The following ZNF695 variants were observed in gnomAD, a reference collection of about 807,000 sequenced individuals.
ZNF695 encodes the protein zinc finger protein 695, also known as zinc finger protein SBZF3.
Under a neutral mutation model 11.2 loss-of-function variants are expected in ZNF695, and 11 were observed. The observed-to-expected ratio is 0.98, with a 90% CI of 0.62 to 1.62. The LOEUF is 1.62. ZNF695 is among the 40% of genes most tolerant of loss of function. The pLI, the probability that ZNF695 is intolerant of heterozygous loss-of-function variation, is 0.00. For missense variants in ZNF695, 559 were observed against 590.5 expected, an observed-to-expected ratio of 0.95 and a Z score of 0.55; for synonymous variants, 190 against 201.4, an observed-to-expected ratio of 0.94 and a Z score of 0.48.
At chr1:246,999,763 G>A in intron 2 of ZNF695, 149 bp downstream of exon 2, 1 of 730,190 alleles carries the variant, frequency 1.4e-6, no homozygotes, top group South Asian at 1.9e-5. Flanking sequence ...GAATAGAAAG[G>A]TTGATGTCAA....
rs1389485188 is a variant in ZNF695, at chr1:246,995,993, C to T, written c.259+3355G>A. On this transcript the variant is annotated intron_variant, in intron 3 of 3. Coordinates refer to ENST00000339986, the MANE Select transcript of ZNF695 (RefSeq NM_020394.5). ...TTTATTGCAACATTATTCACAAAAG[C>T]TGATAGGGGAAAACAACCCAAACTT... is the stretch of plus-strand genomic sequence containing the variant. 8.9e-6 allele frequency: 4 copies of T among 451,696 alleles called. No homozygotes were observed. In the Admixed American group the frequency reaches 9.6e-5, roughly 11 times the overall value. The allele number at this position is 451,696 out of a possible 1,614,324, so 28.0% of individuals were successfully genotyped here.
At chr1:246,953,944 CAAAA>C (rs887310149) in intron 5 of ZNF695, among the ~76,000 whole-genome samples, 6 of 64,700 alleles carry the variant, frequency 9.3e-5, no homozygotes, top group Non-Finnish European at 1.7e-4. Flanking sequence ...AACAAACAAG[CAAAA>C]AAAAAAAAAA....
At chr1:246,961,920 G>A (rs1668172657) in intron 5 of ZNF695, among the ~76,000 whole-genome samples, 1 of 152,212 alleles carries the variant, frequency 6.6e-6, no homozygotes, top group South Asian at 2.1e-4. Flanking sequence ...GAACGCAGAG[G>A]CATAGAGAGG....
intron 5 of ZNF695, among the ~76,000 whole-genome samples, chr1:246,951,693 A>G (rs1667873174): frequency 6.6e-6 from 1 of 152,204 alleles, no homozygotes; most frequent in Non-Finnish European, 1.5e-5. Context: ...ACAACGATCC[A>G]AATTGTCAGG....
At position 246,987,562 on chromosome 1, in the gene ZNF695, T is replaced by C. The variant is rs377597899; in HGVS notation, c.953A>G (p.His318Arg). 7.3e-5 allele frequency: 116 copies of C among 1,598,184 alleles called. No homozygotes were observed. Among genetic ancestry groups the C allele is most frequent in the Non-Finnish European group, 9.7e-5 (114 of 1,173,804 alleles). Residue 318 changes from histidine to arginine, a missense_variant, in exon 4 of 4, where the codon CAT (histidine) becomes CGT (arginine). Physicochemically the swap from His to Arg is conservative, Grantham distance 29 (BLOSUM62 0). Transcript: ENST00000339986. ...ACACTTGTAGGGTTTCTCTCTACTA[T>C]GAATTCTCTTGTGTTGAGTAAGGTA... ...FPYLTQHKRI[H>R]SREKPYKCEE... is the part of the protein sequence containing the mutation.
chr1:246,996,089 TAA>T, intron 3 of ZNF695: 1 of 448,176 alleles, frequency 2.2e-6, no homozygotes, highest in African/African-American at 2.0e-5. Context: ...CCCGTGCCTG[TAA>T]TCCCAGCACT....
intron 1 of ZNF695, among the ~76,000 whole-genome samples, chr1:247,003,949 A>G (rs1203245059): frequency 6.6e-6 from 1 of 152,240 alleles, no homozygotes; most frequent in African/African-American, 2.4e-5. Context: ...CATGTGGCTC[A>G]TGCCTGTAAT....
Position 246,987,029 on chromosome 1 carries a change from C to T in ZNF695, c.1486G>A (p.Glu496Lys). 6.2e-7 allele frequency: 1 copy of T among 1,612,418 alleles called. No individual in the cohort carries two copies. Among genetic ancestry groups the T allele is most frequent in the South Asian group, 1.1e-5 (1 of 90,750 alleles). ...HTREKPYKCE[E>K]CGKAFNHSAQ... is the part of the protein sequence containing the mutation. The stretch of plus-strand genomic sequence containing the variant: ...GAGTGGTTAAAGGCTTTGCCACATT[C>T]CTCACACTTGTATGGTTTCTCTCTG... The change falls in exon 4 of 4, where the codon GAA becomes AAA. Residue 496 changes from glutamate (E) to lysine (K), a missense_variant. Glu to Lys is a moderately conservative substitution (Grantham distance 56). Transcript: ENST00000339986.
In ZNF695 at chr1:246,986,314, G is replaced by A. The variant is rs866580623; in HGVS notation, c.*653C>T. The A allele has an allele frequency of 5.3e-6, 5 of 943,658 alleles. No homozygotes were observed. The highest frequency in any genetic ancestry group is 3.6e-5 in the African/African-American group (2 of 56,314). The allele number at this position is 943,658 out of a possible 1,614,324, so 58.5% of individuals were successfully genotyped here. A position where few individuals can be genotyped will look rare whatever the true frequency, so the allele number is the denominator to read the frequency against. On this transcript the variant is annotated 3_prime_UTR_variant, in exon 4 of 4. Coordinates refer to ENST00000339986, the MANE Select transcript of ZNF695 (RefSeq NM_020394.5). Reference sequence around the variant, plus strand: ...AACTCCTGGGCTCAAGCAATCCCCCGACCTCGGCATCCAAAAGTGCAGCAA... The same window carrying A: ...AACTCCTGGGCTCAAGCAATCCCCCAACCTCGGCATCCAAAAGTGCAGCAA...
At chr1:246,950,270 T>C (rs543069621) in intron 5 of ZNF695, among the ~76,000 whole-genome samples, 1 of 152,270 alleles carries the variant, frequency 6.6e-6, no homozygotes, top group East Asian at 1.9e-4. Context: ...AATATACAAC[T>C]AGGAAGGCCT....
chr1:246,972,812 C>T (rs1327854130), intron 4 of ZNF695, among the ~76,000 whole-genome samples: 1 of 151,928 alleles, frequency 6.6e-6, no homozygotes, highest in Non-Finnish European at 1.5e-5. Flanking sequence ...GCCACTGAGC[C>T]CGGCAGCCTC....
chr1:246,979,288 T>G (rs920304767), intron 4 of ZNF695, among the ~76,000 whole-genome samples: 2 of 152,058 alleles, frequency 1.3e-5, no homozygotes, highest in Non-Finnish European at 2.9e-5. Flanking sequence ...TGGGGGAAGA[T>G]GTGGAGAAGA....
downstream of ZNF695, among the ~76,000 whole-genome samples, chr1:246,982,642 C>A (rs2103019612): frequency 6.6e-6 from 1 of 152,346 alleles, no homozygotes; most frequent in African/African-American, 2.4e-5. Flanking sequence ...CGATTTAATT[C>A]TCTGGCCCAT....
chr1:246,947,001 G>T (rs1320789297), intron 5 of ZNF695, among the ~76,000 whole-genome samples: 3 of 151,948 alleles, frequency 2.0e-5, no homozygotes, highest in Non-Finnish European at 4.4e-5. Flanking sequence ...TTAGCCGGGC[G>T]TGGTGGCGGG....
chr1:247,007,798 G>T, intron 1 of ZNF695, 108 bp downstream of exon 1: 1 of 1,360,896 alleles, frequency 7.3e-7, no homozygotes, highest in African/African-American at 1.5e-5. Context: ...GCACACTCCG[G>T]AGCCGACCGC....
chr1:246,974,693 G>T (rs895163821), intron 4 of ZNF695, among the ~76,000 whole-genome samples: 4 of 152,186 alleles, frequency 2.6e-5, no homozygotes, highest in African/African-American at 4.8e-5. Flanking sequence ...AGGGAAAAGG[G>T]AAAATCAATG....
chr1:246,999,869 C>T, intron 2 of ZNF695, 43 bp downstream of exon 2: 1 of 1,594,424 alleles, frequency 6.3e-7, no homozygotes, highest in Non-Finnish European at 8.6e-7. Context: ...AAATCAGAAA[C>T]TCCCAGAAAA....
At chr1:246,959,675 C>T (rs1668115095) in intron 5 of ZNF695, among the ~76,000 whole-genome samples, 1 of 152,050 alleles carries the variant, frequency 6.6e-6, no homozygotes, top group Non-Finnish European at 1.5e-5. Context: ...ATCCACCAGC[C>T]TCAGCCTCCC....
intron 4 of ZNF695, among the ~76,000 whole-genome samples, chr1:246,974,152 AC>A (rs5782407): frequency 0.047 from 6,691 of 142,352 alleles, 400 homozygotes; most frequent in African/African-American, 0.14. Flanking sequence ...TAAAAAACAA[AC>A]AAACAAACAA....
Sources: allele counts gnomAD v4.1 joint callset (sites outside exome capture counted in the v4.1 genomes callset), GRCh38; gene constraint gnomAD v4.1.1; transcripts MANE v1.5; gene names NCBI Gene and HGNC (gene_info 2026-07-23, HGNC 2026-07-21).